MAP2K5: variants seen among roughly 807,000 people sequenced by gnomAD.
The protein encoded by MAP2K5 is mitogen-activated protein kinase kinase 5, also known as dual specificity mitogen-activated protein kinase kinase 5.
A neutral mutation model predicts 83.1 loss-of-function variants in MAP2K5; 49 were observed. That is an observed-to-expected ratio of 0.59 (90% CI 0.47 to 0.75). The LOEUF (loss-of-function observed/expected upper bound fraction) is 0.75. Ranked by LOEUF, MAP2K5 falls within the 30% of genes least tolerant of loss-of-function variation. The pLI is 0.00. For synonymous variants in MAP2K5, 202 were observed against 191.8 expected, an observed-to-expected ratio of 1.05 and a Z score of -0.44; for missense variants, 457 against 557.5, an observed-to-expected ratio of 0.82 and a Z score of 1.82.
rs550605897 is a variant in MAP2K5 at position 67,748,381 on chromosome 15, A to T, written c.1101+124A>T. The T allele has an allele frequency of 2.1e-5, 19 of 915,850 alleles. No individual in the cohort carries two copies. In the African/African-American group the frequency reaches 2.3e-4, roughly 11 times the overall value. The allele number at this position is 915,850 out of a possible 1,614,324, so 56.7% of individuals were successfully genotyped here. A position where few individuals can be genotyped will look rare whatever the true frequency, so the allele number is the denominator to read the frequency against. ...ATTTTGAAGAAAATGCAAACCTTTA[A>T]CTGCCTGTATTAGATTAGGTACCAT... is the stretch of plus-strand genomic sequence containing the variant. On this transcript the variant is annotated intron_variant, in intron 18 of 21. Coordinates refer to ENST00000178640, the MANE Select transcript of MAP2K5 (RefSeq NM_145160.3). This position sits in a 1 kb window ranked among gnomAD's most constrained non-coding sequence, Gnocchi z 4.0.
intron 17 of MAP2K5, among the ~76,000 whole-genome samples, chr15:67,742,190 C>T (rs2089510833): frequency 1.3e-5 from 2 of 152,138 alleles, no homozygotes; most frequent in African/African-American, 4.8e-5. Context: ...TGCGCCCGGC[C>T]AAGAAAGAAC....
intron 6 of MAP2K5, among the ~76,000 whole-genome samples, chr15:67,591,019 G>T (rs933650858): frequency 3.9e-5 from 6 of 152,106 alleles, no homozygotes; most frequent in African/African-American, 1.4e-4. Context: ...CAACTAGCAT[G>T]GGTAGGTAGG....
chr15:67,741,053 A>G (rs2089481072), intron 17 of MAP2K5, among the ~76,000 whole-genome samples: 1 of 151,320 alleles, frequency 6.6e-6, no homozygotes, highest in African/African-American at 2.4e-5. Flanking sequence ...AAAAAAGTGA[A>G]TGCACTTTTA....
chr15:67,748,430 C>A lies in MAP2K5; in HGVS notation c.1102-139C>A. The stretch of plus-strand genomic sequence containing the variant: ...ATTAGAAATAATAGAACCTCCTGAG[C>A]ATCAATGTTTTTATAAGAGTTTGCT... On this transcript the variant is annotated intron_variant, in intron 18 of 21. Coordinates refer to ENST00000178640, the MANE Select transcript of MAP2K5 (RefSeq NM_145160.3). This position sits in a 1 kb window ranked among gnomAD's most constrained non-coding sequence, Gnocchi z 4.0. The A allele has an allele frequency of 1.2e-6, 1 of 833,018 alleles. No individual in the cohort carries two copies. The highest frequency in any genetic ancestry group is 1.9e-6 in the Non-Finnish European group (1 of 515,866). 51.6% of individuals were successfully genotyped at this position (833,018 alleles called of 1,614,324 possible). A position where few individuals can be genotyped will look rare whatever the true frequency, so the allele number is the denominator to read the frequency against.
Position 67,782,880 on chromosome 15 carries a change from C to T in MAP2K5, c.1242+10128C>T, listed in dbSNP as rs1176705469. Among the ~76,000 whole-genome samples the T allele has an allele frequency of 1.3e-5, 2 of 152,208 alleles. No homozygotes were observed. The highest frequency in any genetic ancestry group is 2.9e-5 in the Non-Finnish European group (2 of 68,028). ...GGAGGTCAGCAGAGCTTCGGCTGGG[C>T]GCTGTCTCCTTCCTGCCTTCAGAAA... On this transcript the variant is annotated intron_variant, in intron 21 of 21. Transcript: ENST00000178640. This position sits in a 1 kb window ranked among gnomAD's most constrained non-coding sequence, Gnocchi z 4.9.
intron 8 of MAP2K5, among the ~76,000 whole-genome samples, chr15:67,621,590 A>C (rs953679066): frequency 6.6e-6 from 1 of 152,204 alleles, no homozygotes; most frequent in South Asian, 2.1e-4. Flanking sequence ...AATTCTATAC[A>C]TAACAGTGAT....
In MAP2K5 at chr15:67,676,021, G is replaced by A. The variant is rs2141175292; in HGVS notation, c.847+11376G>A. ...AGCCTTCTGACTTGCAGGGGATTGGGATTTGAAGCAGACTGTGTGATCGTT... is the reference window on the plus strand; with the variant it reads ...AGCCTTCTGACTTGCAGGGGATTGGAATTTGAAGCAGACTGTGTGATCGTT... On this transcript the variant is annotated intron_variant, in intron 13 of 21. Coordinates refer to ENST00000178640, the MANE Select transcript of MAP2K5 (RefSeq NM_145160.3). The surrounding 1 kb of genome is among the most constrained non-coding windows in gnomAD (Gnocchi z 4.8). 6.6e-6 allele frequency among the ~76,000 whole-genome samples: 1 copy of A among 152,304 alleles called. No individual in the cohort carries two copies. Among genetic ancestry groups the A allele is most frequent in the South Asian group, 2.1e-4 (1 of 4,822 alleles).
intron 17 of MAP2K5, among the ~76,000 whole-genome samples, chr15:67,743,037 T>G (rs2089529130): frequency 6.6e-6 from 1 of 152,354 alleles, no homozygotes; most frequent in African/African-American, 2.4e-5. Context: ...GTAAACTAAT[T>G]TATGGCTGTG....
At position 67,786,458 on chromosome 15, in the gene MAP2K5, G is replaced by C. The variant is rs1721307348; in HGVS notation, c.1242+13706G>C. The stretch of plus-strand genomic sequence containing the variant: ...GTTGTCCAGGTCTGTGAGGTGCCAT[G>C]ATGGGTTCAGAAAGAATATAAGAAA... On this transcript the variant is annotated intron_variant, in intron 21 of 21. Coordinates refer to ENST00000178640, the MANE Select transcript of MAP2K5 (RefSeq NM_145160.3). The surrounding 1 kb of genome is among the most constrained non-coding windows in gnomAD (Gnocchi z 4.7). Among the ~76,000 whole-genome samples the C allele has an allele frequency of 1.3e-5, 2 of 151,790 alleles. No individual in the cohort carries two copies. The highest frequency in any genetic ancestry group is 4.8e-5 in the African/African-American group (2 of 41,432).
intron 16 of MAP2K5, among the ~76,000 whole-genome samples, chr15:67,703,757 A>G (rs551500660): frequency 1.3e-5 from 2 of 152,296 alleles, no homozygotes; most frequent in South Asian, 4.1e-4. Flanking sequence ...AATCTGGAGA[A>G]CCCGTGATGT....
chr15:67,694,128 C>T (rs1407223255), intron 15 of MAP2K5, among the ~76,000 whole-genome samples: 2 of 152,030 alleles, frequency 1.3e-5, no homozygotes, highest in African/African-American at 4.8e-5. Flanking sequence ...CCAACAATAA[C>T]AAGTAGAATC....
At chr15:67,650,950 C>A (rs1250850080) in intron 11 of MAP2K5, among the ~76,000 whole-genome samples, 1 of 152,186 alleles carries the variant, frequency 6.6e-6, no homozygotes, top group Non-Finnish European at 1.5e-5. Context: ...CAGGGTGGCT[C>A]ACGCCTGTAA....
In MAP2K5 at chr15:67,777,720, C is replaced by T. The variant is rs1208525253; in HGVS notation, c.1242+4968C>T. On this transcript the variant is annotated intron_variant, in intron 21 of 21. Coordinates refer to ENST00000178640, the MANE Select transcript of MAP2K5 (RefSeq NM_145160.3). The surrounding 1 kb of genome is among the most constrained non-coding windows in gnomAD (Gnocchi z 6.0). ...CGAAGAAATTTTCTTTATGCTGTTA[C>T]TATACTGCTTTAGTAATTGTTTAAA... 6.6e-6 allele frequency among the ~76,000 whole-genome samples: 1 copy of T among 152,222 alleles called. No individual in the cohort carries two copies. The highest frequency in any genetic ancestry group is 2.4e-5 in the African/African-American group (1 of 41,470).
chr15:67,605,489 ATATCT>A (rs913263324), intron 8 of MAP2K5, among the ~76,000 whole-genome samples: 2 of 152,268 alleles, frequency 1.3e-5, no homozygotes, highest in Admixed American at 1.3e-4. Flanking sequence ...ATGAATCATG[ATATCT>A]TATGTATTAT....
intron 8 of MAP2K5, among the ~76,000 whole-genome samples, chr15:67,603,718 C>T (rs1405810840): frequency 6.6e-6 from 1 of 152,176 alleles, no homozygotes; most frequent in African/African-American, 2.4e-5. Flanking sequence ...TGAGGATCCA[C>T]TTTACTAAAG....
intron 2 of MAP2K5, among the ~76,000 whole-genome samples, chr15:67,560,479 C>A: frequency 6.6e-6 from 1 of 152,264 alleles, no homozygotes; most frequent in East Asian, 1.9e-4. Context: ...AACAACTATT[C>A]ATCAGTATGC....
chr15:67,567,371 T>C (rs2084860526), intron 3 of MAP2K5, among the ~76,000 whole-genome samples: 1 of 150,640 alleles, frequency 6.6e-6, no homozygotes. Flanking sequence ...TTTTTTTTTT[T>C]TTTTGAGACA....
At chr15:67,714,928 C>T (rs569911901) in intron 16 of MAP2K5, among the ~76,000 whole-genome samples, 141 of 152,310 alleles carry the variant, frequency 9.3e-4, no homozygotes, top group Non-Finnish European at 1.7e-3. Flanking sequence ...ATACACTCAA[C>T]GTGGATCATG....
chr15:67,546,569 T>C (rs1422253294), intron 1 of MAP2K5: 1 of 985,422 alleles, frequency 1.0e-6, no homozygotes, highest in East Asian at 1.1e-4. Flanking sequence ...CTATGGAGGC[T>C]GACCTGACCC....
Sources: allele counts gnomAD v4.1 joint callset (sites outside exome capture counted in the v4.1 genomes callset), GRCh38; gene constraint gnomAD v4.1.1; non-coding constraint Gnocchi (gnomAD v3.1); transcripts MANE v1.5; gene names NCBI Gene and HGNC (gene_info 2026-07-23, HGNC 2026-07-21).